Variants in KAZN observed in about 807,000 individuals in gnomAD.
The protein encoded by KAZN is kazrin, periplakin interacting protein.
KAZN carries 40 observed loss-of-function variants against 87.4 expected under a neutral mutation model. The observed-to-expected ratio is 0.46, with a 90% CI of 0.36 to 0.60. The LOEUF is 0.60. Among genes scored for constraint, KAZN ranks in the 20% least tolerant of loss-of-function variants. The pLI is 0.00. For missense variants in KAZN, 898 were observed against 1,073.9 expected, an observed-to-expected ratio of 0.84 and a Z score of 2.29; for synonymous variants, 466 against 458.3, an observed-to-expected ratio of 1.02 and a Z score of -0.22.
chr1:15,049,404 G>A (rs1377508806), intron 4 of KAZN, among the ~76,000 whole-genome samples: 3 of 152,144 alleles, frequency 2.0e-5, no homozygotes, highest in Admixed American at 2.0e-4. Flanking sequence ...ACAGTGGTGG[G>A]GCTGCCCTGT....
intron 2 of KAZN, among the ~76,000 whole-genome samples, chr1:14,297,240 T>G (rs1654195098): frequency 6.6e-6 from 1 of 152,182 alleles, no homozygotes; most frequent in Non-Finnish European, 1.5e-5. Flanking sequence ...TCCCAAATCA[T>G]TGCCTTGGTT....
At chr1:14,304,241 CAA>C (rs1237653853) in intron 2 of KAZN, among the ~76,000 whole-genome samples, 1 of 152,210 alleles carries the variant, frequency 6.6e-6, no homozygotes. Context: ...GCAAAGTGCT[CAA>C]AGAGTTTCAC....
intron 1 of KAZN, among the ~76,000 whole-genome samples, chr1:14,662,072 T>C (rs1197085831): frequency 6.6e-6 from 1 of 152,196 alleles, no homozygotes; most frequent in Non-Finnish European, 1.5e-5. Flanking sequence ...AGTGGGTCTG[T>C]AGTCACACCT....
chr1:14,100,170 C>G (rs142859963), intron 1 of KAZN, among the ~76,000 whole-genome samples: 2 of 152,286 alleles, frequency 1.3e-5, no homozygotes, highest in Non-Finnish European at 2.9e-5. Flanking sequence ...TTATCGGTTC[C>G]CTTAGACCCT....
chr1:14,396,819 G>A (rs1472908335), intron 2 of KAZN, among the ~76,000 whole-genome samples: 1 of 151,976 alleles, frequency 6.6e-6, no homozygotes, highest in African/African-American at 2.4e-5. Context: ...CTGTGAGATT[G>A]AAAAAGTCCT....
chr1:14,575,934 A>G (rs1277065552), intron 2 of KAZN, among the ~76,000 whole-genome samples: 1 of 152,220 alleles, frequency 6.6e-6, no homozygotes, highest in Non-Finnish European at 1.5e-5. Flanking sequence ...AAGAATAAAA[A>G]TGCATCCCCT....
chr1:14,228,897 C>T (rs1259858655), intron 2 of KAZN, among the ~76,000 whole-genome samples: 1 of 152,168 alleles, frequency 6.6e-6, no homozygotes, highest in Non-Finnish European at 1.5e-5. Context: ...CCTTGACCTC[C>T]CTCTTGGCTT....
At chr1:14,961,538 A>T (rs1663868126) in intron 2 of KAZN, among the ~76,000 whole-genome samples, 1 of 152,148 alleles carries the variant, frequency 6.6e-6, no homozygotes, top group African/African-American at 2.4e-5. Context: ...GGGCTGGAAG[A>T]AGGGTCTCAG....
chr1:14,355,320 A>G (rs1287549396), intron 2 of KAZN, among the ~76,000 whole-genome samples: 3 of 152,172 alleles, frequency 2.0e-5, no homozygotes, highest in African/African-American at 7.2e-5. Flanking sequence ...ACTATATGCA[A>G]TTATACCTGA....
chr1:14,047,457 C>A (rs570605068), intron 1 of KAZN, among the ~76,000 whole-genome samples: 1 of 152,332 alleles, frequency 6.6e-6, no homozygotes, highest in African/African-American at 2.4e-5. Flanking sequence ...AACAGCACTT[C>A]AAAAGGGAAC....
intron 1 of KAZN, among the ~76,000 whole-genome samples, chr1:14,801,131 G>C (rs12568933): frequency 2.6e-5 from 4 of 151,540 alleles, no homozygotes; most frequent in African/African-American, 9.7e-5. Context: ...TCTAATCGTC[G>C]CGGCAAAGCA....
intron 2 of KAZN, among the ~76,000 whole-genome samples, chr1:14,548,262 G>T (rs967501209): frequency 9.4e-5 from 14 of 149,010 alleles, no homozygotes; most frequent in Non-Finnish European, 1.3e-4. Context: ...GCAGTGGTGC[G>T]ATCTCGGCTC....
At chr1:14,235,092 C>T (rs1648276852) in intron 2 of KAZN, among the ~76,000 whole-genome samples, 1 of 152,184 alleles carries the variant, frequency 6.6e-6, no homozygotes, top group African/African-American at 2.4e-5. Context: ...CACAGATGCT[C>T]ACAGCAGCAT....
At chr1:14,346,755 A>T (rs1348043320) in intron 2 of KAZN, among the ~76,000 whole-genome samples, 1 of 152,286 alleles carries the variant, frequency 6.6e-6, no homozygotes, top group Admixed American at 6.5e-5. Context: ...ATAATCATGC[A>T]TATGCACTAA....
chr1:14,878,457 T>C (rs1245607139), intron 1 of KAZN, among the ~76,000 whole-genome samples: 2 of 152,086 alleles, frequency 1.3e-5, no homozygotes, highest in East Asian at 1.9e-4. Context: ...CCATCCCCAC[T>C]TGAGAACCAC....
At chr1:14,433,229 C>A (rs529048536) in intron 2 of KAZN, among the ~76,000 whole-genome samples, 298 of 152,188 alleles carry the variant, frequency 2.0e-3, no homozygotes, top group Non-Finnish European at 2.6e-3. Flanking sequence ...CCAGAAAGTT[C>A]CTCATGCCCT....
chr1:15,112,518 G>A lies in KAZN; in HGVS notation c.2140G>A (p.Gly714Ser), dbSNP rs143083792. 11 of 1,604,994 alleles carry A rather than the reference G, an allele frequency of 6.9e-6. No individual in the cohort carries two copies. Among genetic ancestry groups the A allele is most frequent in the South Asian group, 1.1e-5 (1 of 89,008 alleles). The change falls in exon 14 of 15, where the codon GGT becomes AGT. Residue 714 changes from glycine to serine, a missense_variant. Physicochemically the swap from Gly to Ser is moderately conservative, Grantham distance 56. Around this residue, in one of 3 missense-constraint regions of KAZN, gnomAD observed 127 missense variants for 121.5 expected, o/e 1.04. Coordinates refer to ENST00000376030, the MANE Select transcript of KAZN (RefSeq NM_201628.3). ...TRAGKEENSS[G>S]LKYKAGRLPL... The stretch of plus-strand genomic sequence containing the variant: ...GGCAGGAAAGGAGGAGAACAGCAGC[G>A]GTCTCAAGTACAAGGCTGGCCGGGT...
At chr1:14,714,797 GT>G (rs537512664) in intron 1 of KAZN, among the ~76,000 whole-genome samples, 3,299 of 120,468 alleles carry the variant, frequency 0.027, 38 homozygotes, top group South Asian at 0.11. Context: ...TTTTTTTTTT[GT>G]TTTTTTTTTT....
rs139727393 is a variant in KAZN, at chr1:14,548,664, G to A, written c.250-50319G>A. Among the ~76,000 whole-genome samples, 1,366 of 152,206 alleles carry A rather than the reference G, an allele frequency of 9.0e-3. 20 individuals are homozygous for A. The highest frequency in any genetic ancestry group is 0.031 in the African/African-American group (1,285 of 41,522). On this transcript the variant is annotated intron_variant, in intron 2 of 16. Coordinates refer to the KAZN transcript ENST00000636203. ...TTCCAGAACCCATCCTTTTGAGCAC[G>A]TTGGCTGCAGTTCATTCATTCTCAC...
Sources: gnomAD v4.1 joint callset for allele counts (sites outside exome capture counted in the v4.1 genomes callset) on GRCh38, gnomAD v4.1.1 for gene constraint, gnomAD v4.1.1 regional missense constraint, MANE v1.5 for transcripts, NCBI Gene and HGNC (gene_info 2026-07-23, HGNC 2026-07-21) for gene names.